Variants in LNX2 observed in about 807,000 individuals in gnomAD.
LNX2 encodes ligand of numb-protein X 2.
Under a neutral mutation model 66.2 loss-of-function variants are expected in LNX2, and 35 were observed. The observed-to-expected ratio is 0.53, with a 90% CI of 0.40 to 0.70. The LOEUF (loss-of-function observed/expected upper bound fraction) is 0.70. Among genes scored for constraint, LNX2 ranks in the 30% least tolerant of loss-of-function variants. LNX2 has a pLI of 0.00. For missense variants in LNX2, 791 were observed against 850.8 expected, an observed-to-expected ratio of 0.93 and a Z score of 0.87; for synonymous variants, 337 against 315.6, an observed-to-expected ratio of 1.07 and a Z score of -0.72.
rs886066868 is a variant in LNX2, at chr13:27,562,638, T to C, written c.999A>G (p.Pro333=). 6.2e-7 allele frequency: 1 copy of C among 1,614,078 alleles called. No homozygotes were observed. The highest frequency in any genetic ancestry group is 1.3e-5 in the African/African-American group (1 of 75,022). The change falls in exon 5 of 10, where the codon CCA becomes CCG. Residue 333 remains proline (P), a synonymous_variant. Coordinates refer to ENST00000316334, the MANE Select transcript of LNX2 (RefSeq NM_153371.4). The part of the protein sequence containing the change: ...RAHNHSDSNS[P]REEIFQVALH... Reference sequence around the variant, plus strand: ...GAGCCACTTGGAAAATCTCTTCTCGTGGAGAGTTACTATCAGAATGGTTGT... The same window carrying C: ...GAGCCACTTGGAAAATCTCTTCTCGCGGAGAGTTACTATCAGAATGGTTGT...
At chr13:27,618,008 G>A (rs1206697464) in intron 1 of LNX2, among the ~76,000 whole-genome samples, 2 of 152,228 alleles carry the variant, frequency 1.3e-5, no homozygotes, top group South Asian at 2.1e-4. Flanking sequence ...CAACAGGTAC[G>A]ACAATCATTT....
At chr13:27,612,270 C>T (rs185248549) in intron 1 of LNX2, among the ~76,000 whole-genome samples, 3 of 152,298 alleles carry the variant, frequency 2.0e-5, no homozygotes, top group African/African-American at 7.2e-5. Context: ...TATGATCAGG[C>T]CATGGCCTAC....
intron 7 of LNX2, 150 bp from the exon 8 acceptor site, chr13:27,553,589 A>T (rs578229122): frequency 3.0e-5 from 18 of 601,056 alleles, no homozygotes; most frequent in Non-Finnish European, 5.3e-5. Flanking sequence ...ATTTCTTTGT[A>T]ATTTTTATAA....
chr13:27,598,356 A>G (rs7996690), intron 1 of LNX2, among the ~76,000 whole-genome samples: 55,403 of 152,044 alleles, frequency 0.36, 10,851 homozygotes, highest in African/African-American at 0.51. Context: ...ACACAGGACA[A>G]GGACAGAATA....
chr13:27,572,666 G>A (rs905436306), intron 2 of LNX2, among the ~76,000 whole-genome samples: 12 of 152,128 alleles, frequency 7.9e-5, no homozygotes, highest in Non-Finnish European at 1.5e-4. Flanking sequence ...GGACTAATTT[G>A]ATTTATGCTA....
intron 5 of LNX2, among the ~76,000 whole-genome samples, chr13:27,561,350 T>C (rs936073027): frequency 9.2e-5 from 14 of 152,178 alleles, no homozygotes; most frequent in Non-Finnish European, 4.4e-5. Context: ...ATAACTCTAT[T>C]AGCTTTCTTC....
chr13:27,595,718 CAAACCATTCATCT>C (rs149397398), intron 1 of LNX2, among the ~76,000 whole-genome samples: 16,128 of 152,156 alleles, frequency 0.11, 1,000 homozygotes, highest in East Asian at 0.28. Flanking sequence ...GCTGTCACTT[CAAACCATTCATCT>C]AAACCATTCA....
At chr13:27,570,257 A>T (rs1955262865) in intron 2 of LNX2, among the ~76,000 whole-genome samples, 1 of 152,184 alleles carries the variant, frequency 6.6e-6, no homozygotes, top group Non-Finnish European at 1.5e-5. Context: ...TAGCTACAGT[A>T]ACGCTTGGTA....
chr13:27,572,405 G>C (rs1955292836), intron 2 of LNX2, among the ~76,000 whole-genome samples: 1 of 152,174 alleles, frequency 6.6e-6, no homozygotes, highest in Non-Finnish European at 1.5e-5. Context: ...ATTGAGGTAG[G>C]CACATGCTGA....
rs35007288 is a variant in LNX2, at chr13:27,560,565, G to GTGTGTATGTGTATATATATATATATATA, written c.1225-581_1225-580insTATATATATATATATATACACATACACA. ...ATAACAAGACTTTATATGTATGTGT[G>GTGTGTATGTGTATATATATATATATATA]TATATATATATATATATATAGCATA... is the stretch of plus-strand genomic sequence containing the variant. On this transcript the variant is annotated intron_variant, in intron 5 of 9. Coordinates refer to ENST00000316334, the MANE Select transcript of LNX2 (RefSeq NM_153371.4). 1.3e-3 allele frequency among the ~76,000 whole-genome samples: 156 copies of GTGTGTATGTGTATATATATATATATATA among 120,000 alleles called. 1 individual carries two copies. The highest frequency in any genetic ancestry group is 2.6e-3 in the South Asian group (10 of 3,892). The allele number at this position is 120,000 out of a possible 152,430, so 78.7% of individuals were successfully genotyped here.
chr13:27,616,632 T>C (rs1955830083), intron 1 of LNX2, among the ~76,000 whole-genome samples: 1 of 152,206 alleles, frequency 6.6e-6, no homozygotes, highest in East Asian at 1.9e-4. Flanking sequence ...GCAAAATAGA[T>C]AGGATCCCAG....
intron 2 of LNX2, among the ~76,000 whole-genome samples, chr13:27,577,897 C>T (rs149262609): frequency 6.6e-6 from 1 of 152,190 alleles, no homozygotes; most frequent in Non-Finnish European, 1.5e-5. Context: ...GCTGATGTTG[C>T]TTGGCAGAAT....
intron 5 of LNX2, 90 bp from the exon 6 acceptor site, chr13:27,560,075 T>A: frequency 8.3e-7 from 1 of 1,199,962 alleles, no homozygotes; most frequent in Non-Finnish European, 1.1e-6. Flanking sequence ...ATGAACTTCT[T>A]AATCACTGTA....
intron 1 of LNX2, among the ~76,000 whole-genome samples, chr13:27,606,561 G>A (rs758059231): frequency 6.6e-6 from 1 of 152,102 alleles, no homozygotes; most frequent in African/African-American, 2.4e-5. Context: ...AACAAATTTT[G>A]CACTATTTTA....
At chr13:27,592,240 T>C (rs1040574945) in intron 1 of LNX2, among the ~76,000 whole-genome samples, 5 of 152,178 alleles carry the variant, frequency 3.3e-5, no homozygotes, top group Non-Finnish European at 7.3e-5. Context: ...TGATGGTAGA[T>C]TGAACATGAT....
intron 2 of LNX2, among the ~76,000 whole-genome samples, chr13:27,574,961 A>T (rs1255126720): frequency 6.6e-6 from 1 of 152,230 alleles, no homozygotes; most frequent in Non-Finnish European, 1.5e-5. Flanking sequence ...CTCAACCAGG[A>T]AGTCTATATC....
intron 2 of LNX2, among the ~76,000 whole-genome samples, chr13:27,576,434 A>G (rs1265882438): frequency 6.6e-6 from 1 of 152,122 alleles, no homozygotes; most frequent in Non-Finnish European, 1.5e-5. Flanking sequence ...AAAGGCCTCA[A>G]GGCTGGGCAT....
chr13:27,617,131 T>C (rs533865252), intron 1 of LNX2, among the ~76,000 whole-genome samples: 2 of 152,310 alleles, frequency 1.3e-5, no homozygotes, highest in Admixed American at 6.5e-5. Flanking sequence ...AAATAACTTA[T>C]TAACCACAGA....
At chr13:27,614,136 G>A (rs751075897) in intron 1 of LNX2, among the ~76,000 whole-genome samples, 2 of 152,156 alleles carry the variant, frequency 1.3e-5, no homozygotes, top group African/African-American at 2.4e-5. Context: ...AGTTTAAATG[G>A]TAACAGCTCT....
Sources: gnomAD v4.1 joint callset for allele counts (sites outside exome capture counted in the v4.1 genomes callset) on GRCh38, gnomAD v4.1.1 for gene constraint, MANE v1.5 for transcripts, NCBI Gene and HGNC (gene_info 2026-07-23, HGNC 2026-07-21) for gene names.